WRN: variants seen among roughly 807,000 people sequenced by gnomAD.
WRN encodes WRN RecQ like helicase, also known as bifunctional 3'-5' exonuclease/ATP-dependent helicase WRN.
A neutral mutation model predicts 180.7 loss-of-function variants in WRN; 149 were observed. The ratio of observed to expected loss-of-function variants is 0.82; its 90% CI spans 0.72 to 0.94. WRN has a LOEUF of 0.94. Among genes scored for constraint, WRN ranks in the 40% least tolerant of loss-of-function variants. The pLI, the probability that WRN is intolerant of heterozygous loss-of-function variation, is 0.00. For missense variants in WRN, 1,661 were observed against 1,700.1 expected (o/e 0.98, Z 0.40); for synonymous variants, 548 against 568.9 (o/e 0.96, Z 0.52).
chr8:31,101,046 A>G, intron 18 of WRN, 91 bp downstream of exon 18: 1 of 1,030,418 alleles, frequency 9.7e-7, no homozygotes, highest in Non-Finnish European at 1.5e-6. Context: ...TGAAGACTTC[A>G]CTATAAAAGA....
chr8:31,167,916 A>T (rs1803962132), intron 34 of WRN, among the ~76,000 whole-genome samples: 1 of 152,120 alleles, frequency 6.6e-6, no homozygotes. Flanking sequence ...TGACTCCATT[A>T]TAAATATTTT....
intron 3 of WRN, among the ~76,000 whole-genome samples, chr8:31,063,215 A>G (rs191668622): frequency 7.4e-4 from 113 of 152,318 alleles, no homozygotes; most frequent in Non-Finnish European, 1.4e-3. Flanking sequence ...TAAAAACTTT[A>G]AAAAATGCTA....
rs1272258795 is a variant in WRN at position 31,154,661 on chromosome 8, A to C, written c.3725A>C (p.Gln1242Pro). Reference sequence around the variant, plus strand: ...TCAAGTACAAAACCTCAAGAAGAACAGAAGACGAGTCTGGTAGCAAAAAAT... The same window carrying C: ...TCAAGTACAAAACCTCAAGAAGAACCGAAGACGAGTCTGGTAGCAAAAAAT... ...LFSSTKPQEE[Q>P]KTSLVAKNKI... The change falls in exon 32 of 35, where the codon CAG becomes CCG. Residue 1242 changes from glutamine to proline, a missense_variant. Around this residue, in one of 3 missense-constraint regions of WRN, gnomAD observed 1,141 missense variants for 1,149.4 expected, o/e 0.99. Coordinates refer to ENST00000298139, the MANE Select transcript of WRN (RefSeq NM_000553.6). 1 of 1,613,608 alleles carries C rather than the reference A, an allele frequency of 6.2e-7. No individual in the cohort carries two copies. The highest frequency in any genetic ancestry group is 8.5e-7 in the Non-Finnish European group (1 of 1,179,702).
rs1352901573 is a variant in WRN at position 31,147,496 on chromosome 8, T to C, written c.3572+20T>C. 6.8e-7 allele frequency: 1 copy of C among 1,461,078 alleles called. No homozygotes were observed. The highest frequency in any genetic ancestry group is 9.0e-7 in the Non-Finnish European group (1 of 1,105,902). 90.5% of individuals were successfully genotyped at this position (1,461,078 alleles called of 1,614,324 possible). On this transcript the variant is annotated intron_variant, in intron 30 of 34. Coordinates refer to ENST00000298139, the MANE Select transcript of WRN (RefSeq NM_000553.6). ...AATGAGGTAAACTATCTTTTGCATGTGTTCTATTTATTTCCTTCTAACAAA... is the reference window on the plus strand; with the variant it reads ...AATGAGGTAAACTATCTTTTGCATGCGTTCTATTTATTTCCTTCTAACAAA...
At chr8:31,053,076 T>C (rs367945828) in intron 1 of WRN, among the ~76,000 whole-genome samples, 1 of 152,206 alleles carries the variant, frequency 6.6e-6, no homozygotes, top group Non-Finnish European at 1.5e-5. Flanking sequence ...ATTTCAGATA[T>C]GAATTCATAA....
In WRN at chr8:31,147,478, T is replaced by A; in HGVS notation, c.3572+2T>A. ...ACTGGTGGATATGGCCAAAATGAGG[T>A]AAACTATCTTTTGCATGTGTTCTAT... On this transcript the variant is annotated splice_donor_variant, in intron 30 of 34. Coordinates refer to ENST00000298139, the MANE Select transcript of WRN (RefSeq NM_000553.6). LOFTEE classifies it high-confidence loss of function. 5.8e-6 allele frequency: 9 copies of A among 1,549,076 alleles called. No individual in the cohort carries two copies. Among genetic ancestry groups the A allele is most frequent in the Non-Finnish European group, 7.9e-6 (9 of 1,132,520 alleles).
intron 28 of WRN, among the ~76,000 whole-genome samples, chr8:31,146,396 A>T (rs1336633219): frequency 2.4e-4 from 36 of 150,176 alleles, no homozygotes; most frequent in Admixed American, 2.3e-3. Flanking sequence ...CACTACCTTT[A>T]TTTTTTTCCT....
intron 8 of WRN, among the ~76,000 whole-genome samples, chr8:31,077,355 C>G (rs2130100718): frequency 6.6e-6 from 1 of 152,254 alleles, no homozygotes; most frequent in Middle Eastern, 3.4e-3. Context: ...ATTATCCTGC[C>G]TCAGCCTCCC....
intron 18 of WRN, among the ~76,000 whole-genome samples, chr8:31,104,622 A>G (rs2130250338): frequency 6.6e-6 from 1 of 152,254 alleles, no homozygotes. Flanking sequence ...TCTTTCCTAA[A>G]ATTGTTACAG....
chr8:31,073,090 T>C (rs2130079385), intron 7 of WRN, among the ~76,000 whole-genome samples: 1 of 152,328 alleles, frequency 6.6e-6, no homozygotes, highest in Admixed American at 6.5e-5. Context: ...TGATGGGTGA[T>C]GGGAAACCCA....
intron 24 of WRN, among the ~76,000 whole-genome samples, chr8:31,138,436 T>G (rs537934268): frequency 6.6e-6 from 1 of 152,318 alleles, no homozygotes; most frequent in South Asian, 2.1e-4. Context: ...GTTAACCATT[T>G]TTTTGTTTTT....
At chr8:31,077,225 G>A (rs1813127454) in intron 8 of WRN, among the ~76,000 whole-genome samples, 1 of 152,040 alleles carries the variant, frequency 6.6e-6, no homozygotes, top group African/African-American at 2.4e-5. Context: ...AATGCAACTT[G>A]GACAATTTCT....
At chr8:31,090,327 A>G in intron 13 of WRN, 138 bp from the exon 14 acceptor site, 1 of 777,314 alleles carries the variant, frequency 1.3e-6, no homozygotes, top group East Asian at 2.6e-5. Flanking sequence ...TTTGTTTTAA[A>G]GTTCCAGGTT....
At chr8:31,110,687 T>A (rs1801277972) in intron 18 of WRN, among the ~76,000 whole-genome samples, 1 of 152,196 alleles carries the variant, frequency 6.6e-6, no homozygotes, top group Non-Finnish European at 1.5e-5. Context: ...GCAGTGCATC[T>A]GAAGAGCTAT....
intron 1 of WRN, among the ~76,000 whole-genome samples, chr8:31,054,893 C>T (rs539988994): frequency 5.9e-5 from 9 of 152,260 alleles, no homozygotes; most frequent in African/African-American, 1.9e-4. Flanking sequence ...GATGCTGTCC[C>T]TCCTCCAGGA....
chr8:31,145,444 G>C (rs1032005135), intron 28 of WRN, among the ~76,000 whole-genome samples: 2 of 152,110 alleles, frequency 1.3e-5, no homozygotes, highest in African/African-American at 4.8e-5. Flanking sequence ...ATGGTTTCCT[G>C]AATACTTTAA....
chr8:31,094,491 A>C (rs1224442509), intron 16 of WRN, among the ~76,000 whole-genome samples: 1 of 151,782 alleles, frequency 6.6e-6, no homozygotes, highest in African/African-American at 2.4e-5. Context: ...GACTGTAGGC[A>C]TATGTTACCA....
chr8:31,157,502 T>A lies in WRN; in HGVS notation c.3954T>A (p.Asp1318Glu). The change falls in exon 33 of 35, where the codon GAT becomes GAA. Residue 1318 changes from aspartate to glutamate, a missense_variant. By Grantham distance (45) the Asp-to-Glu change is conservative (BLOSUM62 2). Transcript: ENST00000298139. ...CAGAGGTTCAGAAGATTATTGCTGA[T>A]GTTATCCGAAACCCTCCCGTCAACT... Reference protein sequence around the residue: ...LTPEVQKIIADVIRNPPVNSD... With the variant: ...LTPEVQKIIAEVIRNPPVNSD... 1 of 1,614,148 alleles carries A rather than the reference T, an allele frequency of 6.2e-7. No homozygotes were observed. The highest frequency in any genetic ancestry group is 1.6e-4 in the Middle Eastern group (1 of 6,062).
rs184372131 is a variant in WRN, at chr8:31,147,220, A to G, written c.3459+92A>G. On this transcript the variant is annotated intron_variant, in intron 29 of 34. Coordinates refer to ENST00000298139, the MANE Select transcript of WRN (RefSeq NM_000553.6). ...TTCTGTATTTTGCCAGCATTTTAAA[A>G]ATTGTTCTTAAGCTAAGAGTCTGAG... The G allele has an allele frequency of 5.3e-6, 8 of 1,510,162 alleles. No individual in the cohort carries two copies. In the East Asian group the frequency reaches 1.8e-4, roughly 34 times the overall value. The allele number at this position is 1,510,162 out of a possible 1,614,324, so 93.5% of individuals were successfully genotyped here. A position where few individuals can be genotyped will look rare whatever the true frequency, so the allele number is the denominator to read the frequency against.
Sources: allele counts gnomAD v4.1 joint callset (sites outside exome capture counted in the v4.1 genomes callset), GRCh38; gene constraint gnomAD v4.1.1; regional missense constraint gnomAD v4.1.1; transcripts MANE v1.5; gene names NCBI Gene and HGNC (gene_info 2026-07-23, HGNC 2026-07-21).